The following SORCS2 variants were observed in gnomAD, a reference collection of about 807,000 sequenced individuals.
SORCS2 encodes the protein sortilin related VPS10 domain containing receptor 2, also known as VPS10 domain-containing receptor SorCS2.
SORCS2 carries 100 observed loss-of-function variants against 141.6 expected under a neutral mutation model. The ratio of observed to expected loss-of-function variants is 0.71; its 90% CI spans 0.60 to 0.83. The LOEUF (loss-of-function observed/expected upper bound fraction) is 0.83. SORCS2 is among the 40% of genes least tolerant of loss of function. The pLI, the probability that SORCS2 is intolerant of heterozygous loss-of-function variation, is 0.00. For synonymous variants in SORCS2, 789 were observed against 676.9 expected (o/e 1.17, Z -2.57); for missense variants, 1,646 against 1,560.2 (o/e 1.05, Z -0.93).
chr4:7,604,403 C>T (rs1267012671), intron 3 of SORCS2, among the ~76,000 whole-genome samples: 14 of 152,188 alleles, frequency 9.2e-5, no homozygotes, highest in South Asian at 8.3e-4. Context: ...CTGCAAGCTC[C>T]GCCTCCCGGG....
In SORCS2 at chr4:7,335,319, G is replaced by C. The variant is rs144875046; in HGVS notation, c.481-60969G>C. Among the ~76,000 whole-genome samples, 212 of 152,184 alleles carry C rather than the reference G, an allele frequency of 1.4e-3. 1 individual carries two copies. The highest frequency in any genetic ancestry group is 0.01 in the Middle Eastern group (3 of 294). On this transcript the variant is annotated intron_variant, in intron 1 of 26. Coordinates refer to ENST00000507866, the MANE Select transcript of SORCS2 (RefSeq NM_020777.3). ...TCTGGGAAATCAGAAAAAAGAGAAAGTGTTTCTGTTCTGGGCCCTCCCTGG... is the reference window on the plus strand; with the variant it reads ...TCTGGGAAATCAGAAAAAAGAGAAACTGTTTCTGTTCTGGGCCCTCCCTGG...
At chr4:7,729,409 G>C (rs189433428) in intron 22 of SORCS2, among the ~76,000 whole-genome samples, 178 bp from the exon 23 acceptor site, 1 of 152,052 alleles carries the variant, frequency 6.6e-6, no homozygotes, top group Non-Finnish European at 1.5e-5. Context: ...CTGGGTGCAG[G>C]GGGTAGCTCA....
intron 1 of SORCS2, among the ~76,000 whole-genome samples, chr4:7,243,997 G>C (rs750416625): frequency 1.4e-4 from 21 of 152,240 alleles, no homozygotes; most frequent in Non-Finnish European, 2.6e-4. Context: ...TGCTCGCCCT[G>C]TTCTTGGTGT....
chr4:7,724,304 A>G (rs1398878889), intron 19 of SORCS2, among the ~76,000 whole-genome samples: 3 of 125,534 alleles, frequency 2.4e-5, no homozygotes, highest in African/African-American at 3.5e-5. Flanking sequence ...AATGGTGACA[A>G]TGGTGGTGGT....
intron 1 of SORCS2, among the ~76,000 whole-genome samples, chr4:7,368,555 G>A (rs1722050932): frequency 1.3e-5 from 2 of 152,140 alleles, no homozygotes; most frequent in Non-Finnish European, 2.9e-5. Context: ...GCCCAGCCAC[G>A]CCTCTCTTTA....
intron 1 of SORCS2, among the ~76,000 whole-genome samples, chr4:7,378,825 G>A (rs376069853): frequency 6.3e-4 from 96 of 152,250 alleles, no homozygotes; most frequent in African/African-American, 2.1e-3. Flanking sequence ...AAGTCTGCCC[G>A]CATCAGGTCC....
intron 1 of SORCS2, among the ~76,000 whole-genome samples, chr4:7,197,522 A>G (rs1024309512): frequency 6.6e-6 from 1 of 152,196 alleles, no homozygotes; most frequent in Non-Finnish European, 1.5e-5. Context: ...GGAAGACTGC[A>G]TGGAAGAGGG....
At chr4:7,456,800 C>T (rs958098014) in intron 2 of SORCS2, among the ~76,000 whole-genome samples, 2 of 152,050 alleles carry the variant, frequency 1.3e-5, no homozygotes, top group African/African-American at 4.8e-5. Context: ...GGTCATCTCT[C>T]GACGATCAGT....
In SORCS2 at chr4:7,508,520, T is replaced by C. The variant is rs376707346; in HGVS notation, c.549-23010T>C. Reference sequence around the variant, plus strand: ...CATCCGCTAATTTTTGTATTTTTAGTAGAGACGGGGTTTCACCATGTTGGC... The same window carrying C: ...CATCCGCTAATTTTTGTATTTTTAGCAGAGACGGGGTTTCACCATGTTGGC... On this transcript the variant is annotated intron_variant, in intron 2 of 26. Transcript: ENST00000507866. Among the ~76,000 whole-genome samples, 71 of 152,228 alleles carry C rather than the reference T, an allele frequency of 4.7e-4. No homozygotes were observed. In the East Asian group the frequency reaches 0.01, roughly 22 times the overall value.
intron 25 of SORCS2, among the ~76,000 whole-genome samples, chr4:7,736,674 C>T (rs1265294906): frequency 1.3e-5 from 2 of 152,200 alleles, no homozygotes; most frequent in Non-Finnish European, 2.9e-5. Flanking sequence ...AGAGCTGGGC[C>T]GGCTCGTGCC....
chr4:7,557,298 G>A (rs1363519594), intron 3 of SORCS2, among the ~76,000 whole-genome samples: 3 of 152,110 alleles, frequency 2.0e-5, no homozygotes, highest in Non-Finnish European at 4.4e-5. Context: ...GATGGCTGGG[G>A]GCACGGGCAG....
In SORCS2 at chr4:7,407,122, T is replaced by A. The variant is rs1410661241; in HGVS notation, c.548+10767T>A. Among the ~76,000 whole-genome samples the A allele has an allele frequency of 2.0e-5, 3 of 152,130 alleles. No individual in the cohort carries two copies. The East Asian group carries it at 5.8e-4, about 29-fold the overall frequency. ...CTAAGATATGGTCTATTCTGGAGAA[T>A]GTTCTATGTGCTGATGAATTCTATA... is the stretch of plus-strand genomic sequence containing the variant. On this transcript the variant is annotated intron_variant, in intron 2 of 26. Transcript: ENST00000507866.
At chr4:7,194,025 C>A (rs562939204) in intron 1 of SORCS2, among the ~76,000 whole-genome samples, 49 of 152,280 alleles carry the variant, frequency 3.2e-4, no homozygotes, top group African/African-American at 1.2e-3. Flanking sequence ...CCCCCCACCC[C>A]CACAAAAGGG....
At chr4:7,697,365 G>C (rs888031641) in intron 12 of SORCS2, 91 bp downstream of exon 12, 51 of 1,137,488 alleles carry the variant, frequency 4.5e-5, no homozygotes, top group Non-Finnish European at 6.2e-5. Flanking sequence ...GTCCATTCCA[G>C]AGGCTCTGTG....
At chr4:7,536,828 G>C (rs1223644439) in intron 3 of SORCS2, among the ~76,000 whole-genome samples, 4 of 23,922 alleles carry the variant, frequency 1.7e-4, no homozygotes, top group Non-Finnish European at 8.9e-4. Flanking sequence ...CCCATACTCA[G>C]ATGTGGGGGG....
chr4:7,534,518 G>A (rs1398951920), intron 3 of SORCS2, among the ~76,000 whole-genome samples: 1 of 152,238 alleles, frequency 6.6e-6, no homozygotes, highest in East Asian at 1.9e-4. Flanking sequence ...TGGCAAAAGG[G>A]ACTTTGCAAA....
At chr4:7,309,278 A>T (rs569934109) in intron 1 of SORCS2, among the ~76,000 whole-genome samples, 2 of 152,356 alleles carry the variant, frequency 1.3e-5, no homozygotes, top group Non-Finnish European at 2.9e-5. Flanking sequence ...GCCACTGGTG[A>T]TGGAGCTCAG....
intron 4 of SORCS2, among the ~76,000 whole-genome samples, chr4:7,647,134 C>T (rs996737207): frequency 2.0e-5 from 3 of 152,130 alleles, no homozygotes; most frequent in East Asian, 1.9e-4. Context: ...ACACAGCTTG[C>T]GCAAAGGCCT....
At chr4:7,270,890 G>C (rs1421121695) in intron 1 of SORCS2, among the ~76,000 whole-genome samples, 1 of 152,240 alleles carries the variant, frequency 6.6e-6, no homozygotes, top group Non-Finnish European at 1.5e-5. Context: ...TGAAACAAGG[G>C]GTTGTTTAGG....
Sources: gnomAD v4.1 joint callset for allele counts (sites outside exome capture counted in the v4.1 genomes callset) on GRCh38, gnomAD v4.1.1 for gene constraint, MANE v1.5 for transcripts, NCBI Gene and HGNC (gene_info 2026-07-23, HGNC 2026-07-21) for gene names.